The following AKAP6 variants were observed in gnomAD, a reference collection of about 807,000 sequenced individuals.
The protein encoded by AKAP6 is A-kinase anchoring protein 6.
AKAP6 carries 58 observed loss-of-function variants against 188.5 expected under a neutral mutation model. That is an observed-to-expected ratio of 0.31 (90% CI 0.25 to 0.38). The LOEUF (loss-of-function observed/expected upper bound fraction) is 0.38. Among genes scored for constraint, AKAP6 ranks in the 10% least tolerant of loss-of-function variants. AKAP6 has a pLI of 1.00. For synonymous variants in AKAP6, 989 were observed against 998.6 expected (o/e 0.99, Z 0.18); for missense variants, 2,710 against 2,740.0 (o/e 0.99, Z 0.24).
intron 12 of AKAP6, among the ~76,000 whole-genome samples, chr14:32,783,365 G>A (rs1449237208): frequency 1.3e-5 from 2 of 151,936 alleles, no homozygotes; most frequent in East Asian, 1.9e-4. Flanking sequence ...AAATCTTTTG[G>A]GAGTGATAGA....
chr14:32,725,035 C>G (rs548427732), intron 9 of AKAP6, among the ~76,000 whole-genome samples: 2 of 91,728 alleles, frequency 2.2e-5, no homozygotes, highest in African/African-American at 4.2e-5. Context: ...CCTGAATAGA[C>G]AGGCTGACAA....
chr14:32,692,183 C>T (rs1815580974), intron 8 of AKAP6, among the ~76,000 whole-genome samples: 1 of 152,140 alleles, frequency 6.6e-6, no homozygotes, highest in Non-Finnish European at 1.5e-5. Flanking sequence ...TCATTTGCTA[C>T]TTGCAGGTCT....
rs183647771 is a variant in AKAP6 at position 32,820,224 on chromosome 14, A to T, written c.3589-1178A>T. Among the ~76,000 whole-genome samples, 11 of 152,080 alleles carry T rather than the reference A, an allele frequency of 7.2e-5. No homozygotes were observed. The East Asian group carries it at 1.9e-3, about 27-fold the overall frequency. The stretch of plus-strand genomic sequence containing the variant: ...GGCTACGCTGCATAAGCATAAGCTG[A>T]ACTTAGAAGTTCTGTTTGTGTTTCT... On this transcript the variant is annotated intron_variant, in intron 12 of 13. Transcript: ENST00000280979.
rs139853469 is a variant in AKAP6 at position 32,507,634 on chromosome 14, G to A, written c.325-27920G>A. Among the ~76,000 whole-genome samples, 547 of 152,036 alleles carry A rather than the reference G, an allele frequency of 3.6e-3. 4 individuals are homozygous for A. The highest frequency in any genetic ancestry group is 0.012 in the African/African-American group (516 of 41,460). Reference sequence around the variant, plus strand: ...GCTGTGAAATATTTACCATTGCAAGGCAACATATAATTAAGTGCCGGAATG... The same window carrying A: ...GCTGTGAAATATTTACCATTGCAAGACAACATATAATTAAGTGCCGGAATG... On this transcript the variant is annotated intron_variant, in intron 2 of 13. Coordinates refer to ENST00000280979, the MANE Select transcript of AKAP6 (RefSeq NM_004274.5).
chr14:32,356,444 T>C (rs1887488720), intron 1 of AKAP6, among the ~76,000 whole-genome samples: 1 of 152,160 alleles, frequency 6.6e-6, no homozygotes, highest in South Asian at 2.1e-4. Context: ...ATACCTCTTC[T>C]TCCTGGGGGT....
At chr14:32,668,644 T>C (rs1889050929) in intron 7 of AKAP6, among the ~76,000 whole-genome samples, 1 of 152,154 alleles carries the variant, frequency 6.6e-6, no homozygotes, top group Non-Finnish European at 1.5e-5. Flanking sequence ...TTTACTTAAA[T>C]CATTTATCTT....
chr14:32,565,427 T>A (rs1166553682), intron 4 of AKAP6, among the ~76,000 whole-genome samples: 1 of 152,184 alleles, frequency 6.6e-6, no homozygotes, highest in Non-Finnish European at 1.5e-5. Context: ...TCATCATCCA[T>A]CAAATCCAAT....
intron 12 of AKAP6, among the ~76,000 whole-genome samples, chr14:32,801,989 G>A (rs1033387531): frequency 1.3e-5 from 2 of 151,798 alleles, no homozygotes; most frequent in Non-Finnish European, 2.9e-5. Context: ...AGATTTTTTG[G>A]TATTTATCCT....
intron 7 of AKAP6, among the ~76,000 whole-genome samples, chr14:32,636,574 G>C (rs1887497864): frequency 6.6e-6 from 1 of 152,052 alleles, no homozygotes; most frequent in Non-Finnish European, 1.5e-5. Flanking sequence ...TGTGCTGTGA[G>C]TGCAGTGTGG....
At chr14:32,776,565 C>T (rs1215890980) in intron 12 of AKAP6, among the ~76,000 whole-genome samples, 2 of 152,206 alleles carry the variant, frequency 1.3e-5, no homozygotes. Context: ...CCCCCAGGGC[C>T]TGGGAAATAC....
At chr14:32,567,744 G>T (rs10146629) in intron 4 of AKAP6, among the ~76,000 whole-genome samples, 2,315 of 152,250 alleles carry the variant, frequency 0.015, 49 homozygotes, top group African/African-American at 0.05. Flanking sequence ...AATCAGGAAA[G>T]TATTTAGAGC....
chr14:32,374,037 C>T (rs1339540997), intron 1 of AKAP6, among the ~76,000 whole-genome samples: 1 of 152,194 alleles, frequency 6.6e-6, no homozygotes, highest in Non-Finnish European at 1.5e-5. Flanking sequence ...GACAGATTGC[C>T]ACTGAGCAAA....
intron 7 of AKAP6, among the ~76,000 whole-genome samples, chr14:32,611,771 G>C (rs527406174): frequency 1.3e-5 from 2 of 152,242 alleles, no homozygotes; most frequent in Middle Eastern, 3.4e-3. Context: ...AGTGAACTTA[G>C]CATGTTTATA....
chr14:32,703,735 C>T lies in AKAP6; in HGVS notation c.3000+7625C>T, dbSNP rs117996149. Among the ~76,000 whole-genome samples, 20 of 152,310 alleles carry T rather than the reference C, an allele frequency of 1.3e-4. No individual in the cohort carries two copies. In the East Asian group the frequency reaches 3.7e-3, roughly 28 times the overall value. Reference sequence around the variant, plus strand: ...TCAGCCTTTTGGAATCTACTAAGAACTCTGAGTTCAATGAGATAAGTTTAT... The same window carrying T: ...TCAGCCTTTTGGAATCTACTAAGAATTCTGAGTTCAATGAGATAAGTTTAT... On this transcript the variant is annotated intron_variant, in intron 9 of 13. Transcript: ENST00000280979.
intron 8 of AKAP6, among the ~76,000 whole-genome samples, chr14:32,678,672 T>C (rs553069941): frequency 6.6e-6 from 1 of 152,322 alleles, no homozygotes; most frequent in Admixed American, 6.5e-5. Context: ...TTCTGACTCA[T>C]TATTAATTTT....
At chr14:32,448,719 C>G (rs753116249) in intron 2 of AKAP6, among the ~76,000 whole-genome samples, 35 of 152,038 alleles carry the variant, frequency 2.3e-4, no homozygotes, top group Non-Finnish European at 4.3e-4. Flanking sequence ...ATCAAGAGAC[C>G]CTTTGAAACC....
chr14:32,437,590 T>TTTA (rs1873644469), intron 2 of AKAP6, among the ~76,000 whole-genome samples: 1 of 151,898 alleles, frequency 6.6e-6, no homozygotes, highest in African/African-American at 2.4e-5. Flanking sequence ...ATCACCTAGC[T>TTTA]TTATTATTAT....
chr14:32,469,768 G>A (rs1176622524), intron 2 of AKAP6, among the ~76,000 whole-genome samples: 7 of 149,956 alleles, frequency 4.7e-5, no homozygotes, highest in African/African-American at 1.2e-4. Context: ...CATGCTGCTC[G>A]GAGATGTTTC....
intron 2 of AKAP6, among the ~76,000 whole-genome samples, chr14:32,496,881 G>A (rs1880348082): frequency 6.6e-6 from 1 of 152,116 alleles, no homozygotes; most frequent in African/African-American, 2.4e-5. Context: ...AAGTATGAGA[G>A]CTGTCTAGTT....
Sources: gnomAD v4.1 joint callset for allele counts (sites outside exome capture counted in the v4.1 genomes callset) on GRCh38, gnomAD v4.1.1 for gene constraint, MANE v1.5 for transcripts, NCBI Gene and HGNC (gene_info 2026-07-23, HGNC 2026-07-21) for gene names.